CDH10: variants seen among roughly 807,000 people sequenced by gnomAD.
CDH10 encodes cadherin-10.
Under a neutral mutation model 73.1 loss-of-function variants are expected in CDH10, and 30 were observed. The ratio of observed to expected loss-of-function variants is 0.41; its 90% CI spans 0.31 to 0.56. The LOEUF (loss-of-function observed/expected upper bound fraction) is 0.56. Ranked by LOEUF, CDH10 falls within the 20% of genes least tolerant of loss-of-function variation. CDH10 has a pLI of 0.27. For synonymous variants in CDH10, 345 were observed against 348.2 expected, an observed-to-expected ratio of 0.99 and a Z score of 0.10; for missense variants, 815 against 973.7, an observed-to-expected ratio of 0.84 and a Z score of 2.17.
intron 2 of CDH10, among the ~76,000 whole-genome samples, chr5:24,557,762 T>C (rs1744818871): frequency 6.6e-6 from 1 of 151,838 alleles, no homozygotes; most frequent in Admixed American, 6.6e-5. Flanking sequence ...TATTACGATG[T>C]TCCAATAAAA....
chr5:24,545,831 G>T (rs1205373020), intron 2 of CDH10, among the ~76,000 whole-genome samples: 1 of 151,294 alleles, frequency 6.6e-6, no homozygotes, highest in African/African-American at 2.4e-5. Context: ...AATAAAAAAA[G>T]GAAATATTTC....
rs575869875 is a variant in CDH10, at chr5:24,593,379, T to G, written c.112A>C (p.Ser38Arg). 6.2e-7 allele frequency: 1 copy of G among 1,612,624 alleles called. No homozygotes were observed. Among genetic ancestry groups the G allele is most frequent in the Non-Finnish European group, 8.5e-7 (1 of 1,178,748 alleles). ...CCATCACTCCTTGGTACACGTGAACTTAAAATTCTTTGCTGTGGCACAGGC... is the reference window on the plus strand; with the variant it reads ...CCATCACTCCTTGGTACACGTGAACGTAAAATTCTTTGCTGTGGCACAGGC... ...RTPVPQQRIL[S>R]SRVPRSDGKI... is the part of the protein sequence containing the mutation. Residue 38 changes from serine to arginine, a missense_variant, in exon 2 of 12, where the codon AGT (serine) becomes CGT (arginine). Ser to Arg is a moderately radical substitution (Grantham distance 110, BLOSUM62 -1). Transcript: ENST00000264463.
chr5:24,635,379 T>C (rs756146580), intron 1 of CDH10, among the ~76,000 whole-genome samples: 4 of 151,996 alleles, frequency 2.6e-5, no homozygotes, highest in Non-Finnish European at 5.9e-5. Flanking sequence ...TTCACCTGAG[T>C]GAGTTTATGT....
intron 8 of CDH10, among the ~76,000 whole-genome samples, chr5:24,502,161 A>T (rs1742524062): frequency 6.6e-6 from 1 of 151,986 alleles, no homozygotes; most frequent in Non-Finnish European, 1.5e-5. Context: ...TGACCTCGTG[A>T]TCCGCCCGCC....
At chr5:24,505,273 TA>T in intron 7 of CDH10, 25 bp from the exon 8 acceptor site, 1 of 1,602,608 alleles carries the variant, frequency 6.2e-7, no homozygotes, top group Non-Finnish European at 8.5e-7. Context: ...CAAGAAAAAA[TA>T]CATGGCAGCA....
At chr5:24,506,657 T>C (rs1282567520) in intron 7 of CDH10, among the ~76,000 whole-genome samples, 1 of 152,298 alleles carries the variant, frequency 6.6e-6, no homozygotes, top group East Asian at 1.9e-4. Context: ...AGTCTTCTTT[T>C]CTAACAGACT....
intron 5 of CDH10, among the ~76,000 whole-genome samples, chr5:24,525,060 G>A (rs1314114474): frequency 6.6e-6 from 1 of 151,980 alleles, no homozygotes; most frequent in Non-Finnish European, 1.5e-5. Context: ...AAGCGACTTT[G>A]GAGGAAAGAT....
chr5:24,546,527 C>A (rs1346326088), intron 2 of CDH10, among the ~76,000 whole-genome samples: 1 of 152,144 alleles, frequency 6.6e-6, no homozygotes, highest in East Asian at 1.9e-4. Flanking sequence ...CTATAAAGAT[C>A]CTATTTATCC....
intron 1 of CDH10, among the ~76,000 whole-genome samples, chr5:24,611,452 T>C (rs1579469893): frequency 6.6e-6 from 1 of 152,190 alleles, no homozygotes; most frequent in East Asian, 1.9e-4. Flanking sequence ...AAAAGAAAAG[T>C]CTTTCTCTGT....
At chr5:24,608,133 C>T (rs1018187743) in intron 1 of CDH10, among the ~76,000 whole-genome samples, 3 of 151,850 alleles carry the variant, frequency 2.0e-5, no homozygotes, top group Non-Finnish European at 2.9e-5. Context: ...AAAAGATTGC[C>T]GACAGAATTA....
intron 1 of CDH10, among the ~76,000 whole-genome samples, chr5:24,641,097 G>C (rs924098051): frequency 2.6e-5 from 4 of 151,890 alleles, no homozygotes. Context: ...TAGTTCAAGT[G>C]AGTGATGACA....
chr5:24,526,110 C>A (rs1743521945), intron 5 of CDH10, among the ~76,000 whole-genome samples: 2 of 152,008 alleles, frequency 1.3e-5, no homozygotes, highest in Non-Finnish European at 2.9e-5. Flanking sequence ...TTAATTGTGT[C>A]TAAACAGGTT....
intron 2 of CDH10, among the ~76,000 whole-genome samples, chr5:24,568,582 T>C (rs1239611716): frequency 6.6e-6 from 1 of 152,068 alleles, no homozygotes; most frequent in Non-Finnish European, 1.5e-5. Context: ...TGGAAAACAA[T>C]ATGATACTTC....
chr5:24,632,080 C>A (rs1747721827), intron 1 of CDH10, among the ~76,000 whole-genome samples: 1 of 151,954 alleles, frequency 6.6e-6, no homozygotes, highest in Non-Finnish European at 1.5e-5. Context: ...GGATAATTAT[C>A]TTGTATAAAC....
intron 5 of CDH10, among the ~76,000 whole-genome samples, chr5:24,518,782 T>C (rs1475167826): frequency 2.0e-5 from 3 of 152,194 alleles, no homozygotes; most frequent in African/African-American, 7.2e-5. Flanking sequence ...GTTATTTTAT[T>C]GCAAAAGGCA....
chr5:24,620,237 C>T (rs1747266937), intron 1 of CDH10, among the ~76,000 whole-genome samples: 1 of 152,238 alleles, frequency 6.6e-6, no homozygotes, highest in South Asian at 2.1e-4. Context: ...TTTCTGACGT[C>T]CTTTTGTGAG....
chr5:24,539,664 T>C (rs1038716478), intron 2 of CDH10, among the ~76,000 whole-genome samples: 1 of 152,070 alleles, frequency 6.6e-6, no homozygotes, highest in Non-Finnish European at 1.5e-5. Flanking sequence ...TCTTACTACA[T>C]TTTTAGCTAT....
intron 5 of CDH10, among the ~76,000 whole-genome samples, chr5:24,515,027 C>A (rs769584564): frequency 1.3e-5 from 2 of 152,000 alleles, no homozygotes; most frequent in Non-Finnish European, 2.9e-5. Context: ...AATATTCTGA[C>A]CATGCCACAA....
chr5:24,573,427 C>T (rs12658819), intron 2 of CDH10, among the ~76,000 whole-genome samples: 8 of 151,712 alleles, frequency 5.3e-5, no homozygotes, highest in Admixed American at 1.3e-4. Context: ...GCAGGCCGGG[C>T]GCGGTGGCTC....
Sources: allele counts gnomAD v4.1 joint callset (sites outside exome capture counted in the v4.1 genomes callset), GRCh38; gene constraint gnomAD v4.1.1; transcripts MANE v1.5; gene names NCBI Gene and HGNC (gene_info 2026-07-23, HGNC 2026-07-21).